Variants in SLC24A2 observed in about 807,000 individuals in gnomAD.
SLC24A2 encodes the protein solute carrier family 24 member 2.
In SLC24A2, 36 loss-of-function variants were observed where a neutral mutation model predicts 62.0. The observed-to-expected ratio is 0.58, with a 90% CI of 0.44 to 0.77. The LOEUF (loss-of-function observed/expected upper bound fraction) is 0.77, where lower values mean the gene tolerates loss of function less well. Among genes scored for constraint, SLC24A2 ranks in the 30% least tolerant of loss-of-function variants. SLC24A2 has a pLI of 0.00. For missense variants in SLC24A2, 846 were observed against 817.9 expected, an observed-to-expected ratio of 1.03 and a Z score of -0.42; for synonymous variants, 358 against 294.0, an observed-to-expected ratio of 1.22 and a Z score of -2.23.
chr9:19,708,109 T>C (rs1371970963), intron 2 of SLC24A2, among the ~76,000 whole-genome samples: 3 of 152,034 alleles, frequency 2.0e-5, no homozygotes, highest in Non-Finnish European at 4.4e-5. Flanking sequence ...TATATACCAA[T>C]AACAGACAAA....
At chr9:19,857,805 G>A in the SLC24A2 span, among the ~76,000 whole-genome samples, 1 of 151,376 alleles carries the variant, frequency 6.6e-6, no homozygotes, top group Non-Finnish European at 1.5e-5. Flanking sequence ...ATTACAGACA[G>A]ACTCATATCA....
At chr9:19,521,646 G>A (rs1225501601) in intron 9 of SLC24A2, among the ~76,000 whole-genome samples, 1 of 152,144 alleles carries the variant, frequency 6.6e-6, no homozygotes, top group Non-Finnish European at 1.5e-5. Context: ...CAGAGGACCT[G>A]GGTCCAAGAT....
At chr9:19,935,809 T>G in the SLC24A2 span, among the ~76,000 whole-genome samples, 1 of 152,190 alleles carries the variant, frequency 6.6e-6, no homozygotes, top group African/African-American at 2.4e-5. Flanking sequence ...AGGTGTTCAC[T>G]GAGATAGACC....
the SLC24A2 span, among the ~76,000 whole-genome samples, chr9:20,111,409 T>C: frequency 2.2e-4 from 33 of 152,302 alleles, no homozygotes; most frequent in African/African-American, 7.9e-4. Flanking sequence ...CCAGGTGTTA[T>C]TAGCCTAGAG....
intron 2 of SLC24A2, among the ~76,000 whole-genome samples, chr9:19,710,193 T>C (rs143713227): frequency 6.6e-6 from 1 of 152,258 alleles, no homozygotes; most frequent in East Asian, 1.9e-4. Context: ...TTTGACTGAT[T>C]AATTCATCAT....
At position 19,732,476 on chromosome 9, in the gene SLC24A2, T is replaced by C. The variant is rs563899873; in HGVS notation, c.930+53461A>G. 6.6e-5 allele frequency among the ~76,000 whole-genome samples: 10 copies of C among 152,340 alleles called. No individual in the cohort carries two copies. In the South Asian group the frequency reaches 1.4e-3, roughly 22 times the overall value. ...TTTCTTATTTTTTTAAATTAATTAA[T>C]TTCTTTTTGATTGACAAATAATTGT... is the stretch of plus-strand genomic sequence containing the variant. On this transcript the variant is annotated intron_variant, in intron 2 of 10. Coordinates refer to ENST00000341998, the MANE Select transcript of SLC24A2 (RefSeq NM_020344.4).
chr9:20,029,116 G>A, the SLC24A2 span, among the ~76,000 whole-genome samples: 4 of 152,156 alleles, frequency 2.6e-5, no homozygotes, highest in African/African-American at 9.7e-5. Context: ...GGGGCTTGAG[G>A]TGCAACTGTG....
At chr9:19,548,921 T>G (rs572529286) in intron 8 of SLC24A2, among the ~76,000 whole-genome samples, 1 of 152,316 alleles carries the variant, frequency 6.6e-6, no homozygotes, top group South Asian at 2.1e-4. Flanking sequence ...ATATTAGGTA[T>G]ACAGTTTTGT....
At chr9:20,100,067 G>A in the SLC24A2 span, among the ~76,000 whole-genome samples, 1 of 151,808 alleles carries the variant, frequency 6.6e-6, no homozygotes, top group Non-Finnish European at 1.5e-5. Flanking sequence ...CACCCAGGCT[G>A]GAGTGCAGTG....
intron 2 of SLC24A2, among the ~76,000 whole-genome samples, chr9:19,697,118 T>C (rs1200064462): frequency 1.3e-5 from 2 of 152,192 alleles, no homozygotes; most frequent in Admixed American, 6.5e-5. Context: ...ATTAAAAAAA[T>C]AACATGTTAG....
intron 9 of SLC24A2, among the ~76,000 whole-genome samples, chr9:19,523,914 C>T (rs757478320): frequency 3.3e-5 from 5 of 152,012 alleles, no homozygotes; most frequent in Non-Finnish European, 5.9e-5. Context: ...ACATCAAACC[C>T]CTGGTGAATC....
At chr9:19,708,814 C>A (rs1195919932) in intron 2 of SLC24A2, among the ~76,000 whole-genome samples, 1 of 152,128 alleles carries the variant, frequency 6.6e-6, no homozygotes, top group Non-Finnish European at 1.5e-5. Flanking sequence ...TAGAAGAAAA[C>A]CTAGGCAATA....
the SLC24A2 span, among the ~76,000 whole-genome samples, chr9:20,268,605 T>C: frequency 1.3e-5 from 2 of 152,162 alleles, no homozygotes; most frequent in African/African-American, 4.8e-5. Context: ...AAGGCCCTCA[T>C]CAGATGCAGC....
intron 2 of SLC24A2, among the ~76,000 whole-genome samples, chr9:19,692,360 T>G (rs925537721): frequency 6.6e-6 from 1 of 152,132 alleles, no homozygotes; most frequent in Non-Finnish European, 1.5e-5. Context: ...ACACTAATAA[T>G]GACCTCACTA....
intron 8 of SLC24A2, among the ~76,000 whole-genome samples, chr9:19,529,594 A>T (rs907457553): frequency 6.6e-6 from 1 of 152,034 alleles, no homozygotes; most frequent in Non-Finnish European, 1.5e-5. Flanking sequence ...AGTAGCCAAA[A>T]CCTTACCCTC....
the SLC24A2 span, among the ~76,000 whole-genome samples, chr9:19,874,960 T>G: frequency 6.6e-6 from 1 of 151,624 alleles, no homozygotes; most frequent in Non-Finnish European, 1.5e-5. Context: ...CTTAGTTAAT[T>G]TTGTTTTCTA....
chr9:19,915,909 A>G, the SLC24A2 span, among the ~76,000 whole-genome samples: 4 of 151,950 alleles, frequency 2.6e-5, no homozygotes, highest in African/African-American at 9.7e-5. Context: ...CCTTTTATAC[A>G]TAGAAGGTTT....
chr9:19,774,587 C>T (rs1237412609), intron 2 of SLC24A2, among the ~76,000 whole-genome samples: 5 of 152,182 alleles, frequency 3.3e-5, no homozygotes, highest in African/African-American at 4.8e-5. Context: ...GCTAGAACAA[C>T]AGATGACAGT....
At chr9:19,597,112 A>T in intron 5 of SLC24A2, 117 bp downstream of exon 5, 1 of 741,088 alleles carries the variant, frequency 1.3e-6, no homozygotes, top group Non-Finnish European at 2.4e-6. Flanking sequence ...AAGAATAGTA[A>T]GTCACACAAT....
Sources: gnomAD v4.1 joint callset for allele counts (sites outside exome capture counted in the v4.1 genomes callset) on GRCh38, gnomAD v4.1.1 for gene constraint, MANE v1.5 for transcripts, NCBI Gene and HGNC (gene_info 2026-07-23, HGNC 2026-07-21) for gene names.